The following AGBL1 variants were observed in gnomAD, a reference collection of about 807,000 sequenced individuals.
The protein encoded by AGBL1 is cytosolic carboxypeptidase 4.
In AGBL1, 130 loss-of-function variants were observed where a neutral mutation model predicts 118.9. The ratio of observed to expected loss-of-function variants is 1.09; its 90% CI spans 0.95 to 1.26. The LOEUF is 1.26. Among genes scored for constraint, AGBL1 ranks in the 50% most tolerant of loss-of-function variants. The pLI, the probability that AGBL1 is intolerant of heterozygous loss-of-function variation, is 0.00. For synonymous variants in AGBL1, 555 were observed against 478.9 expected (o/e 1.16, Z -2.08); for missense variants, 1,584 against 1,298.1 (o/e 1.22, Z -3.38).
intron 22 of AGBL1, among the ~76,000 whole-genome samples, chr15:86,680,460 A>G: frequency 6.6e-6 from 1 of 151,872 alleles, no homozygotes; most frequent in East Asian, 1.9e-4. Flanking sequence ...GACGTGGCCA[A>G]ATTTACTCTG....
chr15:86,902,824 C>T (rs561227306), intron 22 of AGBL1, among the ~76,000 whole-genome samples: 1 of 152,270 alleles, frequency 6.6e-6, no homozygotes, highest in African/African-American at 2.4e-5. Context: ...TCTCCCACAG[C>T]TTTCAAGATT....
intron 22 of AGBL1, among the ~76,000 whole-genome samples, chr15:86,713,795 T>A (rs72763979): frequency 0.011 from 1,684 of 152,220 alleles, 13 homozygotes; most frequent in Non-Finnish European, 0.015. Context: ...TATTTTTTTT[T>A]TCCCATGAAT....
intron 23 of AGBL1, among the ~76,000 whole-genome samples, chr15:86,922,887 A>G (rs1349697477): frequency 6.6e-6 from 1 of 152,226 alleles, no homozygotes; most frequent in African/African-American, 2.4e-5. Context: ...GGACTGGTTT[A>G]GGAAACTAGG....
Position 86,225,003 on chromosome 15 carries a change from A to G in AGBL1, c.526+52A>G, listed in dbSNP as rs183886919. On this transcript the variant is annotated intron_variant, in intron 6 of 22. Transcript: ENST00000614907. ...ATTTCTCTCCACTCTGGGTTTAATG[A>G]AAGATACTTTCTGGTCCCCATGGCT... 201 of 1,573,338 alleles carry G rather than the reference A, an allele frequency of 1.3e-4. 3 individuals carry two copies. In the East Asian group the frequency reaches 1.8e-3, roughly 14 times the overall value.
At chr15:86,753,025 C>A (rs888787159) in intron 22 of AGBL1, among the ~76,000 whole-genome samples, 1 of 152,094 alleles carries the variant, frequency 6.6e-6, no homozygotes, top group African/African-American at 2.4e-5. Context: ...GTTTATAAGA[C>A]GCTGTCCTAT....
At chr15:86,879,466 C>G (rs2079859931) in intron 22 of AGBL1, among the ~76,000 whole-genome samples, 1 of 152,150 alleles carries the variant, frequency 6.6e-6, no homozygotes, top group African/African-American at 2.4e-5. Flanking sequence ...TGGCCTGAGT[C>G]CAGGTTGCTC....
chr15:86,147,032 C>T (rs1347422244), intron 3 of AGBL1, among the ~76,000 whole-genome samples: 1 of 152,050 alleles, frequency 6.6e-6, no homozygotes, highest in South Asian at 2.1e-4. Flanking sequence ...ATAAGTATTT[C>T]TTTTTTAATG....
rs537776642 is a variant in AGBL1, at chr15:86,961,182, TATCAA to T, written c.3222-26800_3222-26796del. ...TTATCATTTCACAATACGTATGTGTTATCAAATCATCATGCTGTACATTTAAATGT... is the reference window on the plus strand; with the variant it reads ...TTATCATTTCACAATACGTATGTGTTATCATCATGCTGTACATTTAAATGT... On this transcript the variant is annotated intron_variant, in intron 23 of 24. Transcript: ENST00000441037. Among the ~76,000 whole-genome samples the T allele has an allele frequency of 2.6e-5, 4 of 152,210 alleles. No individual in the cohort carries two copies. In the East Asian group the frequency reaches 7.8e-4, roughly 30 times the overall value.
chr15:86,650,479 G>T lies in AGBL1; in HGVS notation c.2995-23794G>T, dbSNP rs114250841. ...TCTTTTATAAGCTACTGTTATTGTGGTTTTTTCTGGGCCTCACAGATGAAT... is the reference window on the plus strand; with the variant it reads ...TCTTTTATAAGCTACTGTTATTGTGTTTTTTTCTGGGCCTCACAGATGAAT... On this transcript the variant is annotated intron_variant, in intron 21 of 22. Coordinates refer to ENST00000614907, the MANE Select transcript of AGBL1 (RefSeq NM_001386094.1). Among the ~76,000 whole-genome samples, 1,048 of 152,242 alleles carry T rather than the reference G, an allele frequency of 6.9e-3. 7 individuals are homozygous for T. Among genetic ancestry groups the T allele is most frequent in the African/African-American group, 0.021 (891 of 41,550 alleles).
At chr15:86,472,275 G>A (rs2082489050) in intron 18 of AGBL1, among the ~76,000 whole-genome samples, 1 of 152,210 alleles carries the variant, frequency 6.6e-6, no homozygotes, top group South Asian at 2.1e-4. Flanking sequence ...AAGACAAAGT[G>A]ACAAAGTTCA....
intron 17 of AGBL1, among the ~76,000 whole-genome samples, chr15:86,326,170 T>A (rs2141852430): frequency 6.6e-6 from 1 of 152,320 alleles, no homozygotes. Flanking sequence ...GCACACTTTA[T>A]TACAGTGAGC....
At chr15:86,359,473 G>T (rs1273617912) in intron 17 of AGBL1, among the ~76,000 whole-genome samples, 1 of 143,040 alleles carries the variant, frequency 7.0e-6, no homozygotes, top group Non-Finnish European at 1.5e-5. Flanking sequence ...ACCTAGAAGT[G>T]TAGTGCCTCC....
chr15:86,113,485 C>G (rs1379123365), intron 1 of AGBL1, among the ~76,000 whole-genome samples: 1 of 151,782 alleles, frequency 6.6e-6, no homozygotes, highest in South Asian at 2.1e-4. Flanking sequence ...GGGGTTTCAC[C>G]ATGTTGGCCA....
rs139843209 is a variant in AGBL1 at position 86,545,932 on chromosome 15, C to T, written c.2686-70C>T. 383 of 1,536,716 alleles carry T rather than the reference C, an allele frequency of 2.5e-4. 1 individual carries two copies. Among genetic ancestry groups the T allele is most frequent in the African/African-American group, 2.0e-3 (146 of 73,150 alleles). On this transcript the variant is annotated intron_variant, in intron 19 of 22. Coordinates refer to ENST00000614907, the MANE Select transcript of AGBL1 (RefSeq NM_001386094.1). ...TTGAGCCATGGAACATGAGTAGATA[C>T]GATTTAAGTGGATTTAAGAAACCAA...
At chr15:86,825,902 TAGATA>T (rs1199914329) in intron 22 of AGBL1, among the ~76,000 whole-genome samples, 2 of 92,900 alleles carry the variant, frequency 2.2e-5, no homozygotes, top group Non-Finnish European at 4.3e-5. Context: ...GATAGATAGA[TAGATA>T]GATAGATAGA....
chr15:86,451,340 A>T (rs1415955793), intron 18 of AGBL1, among the ~76,000 whole-genome samples: 2 of 152,214 alleles, frequency 1.3e-5, no homozygotes, highest in Non-Finnish European at 2.9e-5. Context: ...AAGTGTAGGA[A>T]GTTTGAGGAT....
intron 22 of AGBL1, among the ~76,000 whole-genome samples, chr15:86,898,064 A>C (rs972408096): frequency 6.6e-6 from 1 of 152,118 alleles, no homozygotes; most frequent in Non-Finnish European, 1.5e-5. Context: ...GAGCCACTGC[A>C]CCTGGCCCTG....
In AGBL1 at chr15:86,615,003, T is replaced by C. The variant is rs919970447; in HGVS notation, c.2995-59270T>C. Among the ~76,000 whole-genome samples, 13 of 152,092 alleles carry C rather than the reference T, an allele frequency of 8.5e-5. No homozygotes were observed. The highest frequency in any genetic ancestry group is 1.8e-4 in the Non-Finnish European group (12 of 68,006). On this transcript the variant is annotated intron_variant, in intron 21 of 22. Transcript: ENST00000614907. The surrounding 1 kb of genome is among the most constrained non-coding windows in gnomAD (Gnocchi z 4.3). The stretch of plus-strand genomic sequence containing the variant: ...CTAAGATGAGCAAAGAAAACTAGAA[T>C]GGTGAGAGTTCATGGCAGGGCAATT...
At chr15:86,219,928 T>C (rs1200200049) in intron 5 of AGBL1, among the ~76,000 whole-genome samples, 3 of 150,654 alleles carry the variant, frequency 2.0e-5, no homozygotes, top group Admixed American at 2.0e-4. Context: ...GAGGTAGACT[T>C]ATAGCTAATG....
Sources: allele counts gnomAD v4.1 joint callset (sites outside exome capture counted in the v4.1 genomes callset), GRCh38; gene constraint gnomAD v4.1.1; non-coding constraint Gnocchi (gnomAD v3.1); transcripts MANE v1.5; gene names NCBI Gene and HGNC (gene_info 2026-07-23, HGNC 2026-07-21).